FGF3: variants seen among roughly 807,000 people sequenced by gnomAD.
FGF3 encodes the protein fibroblast growth factor 3, also known as FGF-3.
FGF3 carries 7 observed loss-of-function variants against 9.8 expected under a neutral mutation model. The ratio of observed to expected loss-of-function variants is 0.72; its 90% CI spans 0.41 to 1.35. The LOEUF is 1.35. FGF3 is among the 40% of genes most tolerant of loss of function. FGF3 has a pLI of 0.01. For synonymous variants in FGF3, 173 were observed against 157.2 expected, an observed-to-expected ratio of 1.10 and a Z score of -0.75; for missense variants, 390 against 345.6, an observed-to-expected ratio of 1.13 and a Z score of -1.02.
chr11:69,811,077 G>T (rs1484914280), intron 2 of FGF3, among the ~76,000 whole-genome samples: 1 of 152,270 alleles, frequency 6.6e-6, no homozygotes, highest in Non-Finnish European at 1.5e-5. Flanking sequence ...TGCCCTGGCA[G>T]TCTGCTGGCA....
chr11:69,816,427 G>C lies in FGF3; in HGVS notation c.221-4C>G, dbSNP rs1856134357. ...ACTGCCGTTATCTCCAAAATACCTA[G>C]AAGAAATGAGAGGTGCCTCACTCCC... On this transcript the variant is annotated splice_polypyrimidine_tract_variant and splice_region_variant and intron_variant, in intron 1 of 2. Transcript: ENST00000334134. 4 of 1,608,072 alleles carry C rather than the reference G, an allele frequency of 2.5e-6. No individual in the cohort carries two copies. Among genetic ancestry groups the C allele is most frequent in the Non-Finnish European group, 3.4e-6 (4 of 1,174,658 alleles).
At chr11:69,814,303 T>C (rs570516446) in intron 2 of FGF3, among the ~76,000 whole-genome samples, 42 of 151,750 alleles carry the variant, frequency 2.8e-4, no homozygotes, top group African/African-American at 8.5e-4. Flanking sequence ...AGGGGCGTGG[T>C]CTGAGGACTA....
rs144023034 is a variant in FGF3 at position 69,810,800 on chromosome 11, C to G, written c.325-100G>C. 1,518 of 1,099,444 alleles carry G rather than the reference C, an allele frequency of 1.4e-3. 23 individuals are homozygous for G. In the Admixed American group the frequency reaches 0.031, roughly 23 times the overall value. 68.1% of individuals were successfully genotyped at this position (1,099,444 alleles called of 1,614,324 possible). On this transcript the variant is annotated intron_variant, in intron 2 of 2. Transcript: ENST00000334134. ...CTCCCTCCCCTCCTGTGAGGCTGTT[C>G]GGTCCAGTGCCAAACCCCAGCGCAC...
Position 69,818,772 on chromosome 11 carries a change from G to A in FGF3, c.162C>T (p.Tyr54=), listed in dbSNP as rs1856186855. 1 of 1,497,634 alleles carries A rather than the reference G, an allele frequency of 6.7e-7. No individual in the cohort carries two copies. Among genetic ancestry groups the A allele is most frequent in the East Asian group, 2.8e-5 (1 of 36,188 alleles). 92.8% of individuals were successfully genotyped at this position (1,497,634 alleles called of 1,614,324 possible). The change falls in exon 1 of 3, where the codon TAC becomes TAT. Residue 54 remains tyrosine, a synonymous_variant. Transcript: ENST00000334134. The stretch of plus-strand genomic sequence containing the variant: ...GGCCGCTCGGGTGCAGCTGGAGGTG[G>A]TACTTCGTGGCGCAGTAGAGCTTGC... The part of the protein sequence containing the change: ...RRRKLYCATK[Y]HLQLHPSGRV...
chr11:69,810,728 G>GC (rs1554980392), intron 2 of FGF3, 28 bp from the exon 3 acceptor site: 1 of 1,529,462 alleles, frequency 6.5e-7, no homozygotes. Context: ...CATGGTCAGT[G>GC]CCCCGGGGAG....
Position 69,818,805 on chromosome 11 carries a change from G to A in FGF3, c.129C>T (p.Pro43=), listed in dbSNP as rs1554981401. The change falls in exon 1 of 3, where the codon CCC becomes CCT. Residue 43 remains proline, a synonymous_variant. Transcript: ENST00000334134. ...TGGCGCAGTAGAGCTTGCGGCGCCG[G>A]GGCGCCCCGCCAAGGTGCTCGTAGA... ...GGVYEHLGGA[P]RRRKLYCATK... 1.3e-6 allele frequency: 2 copies of A among 1,491,588 alleles called. No homozygotes were observed. Among genetic ancestry groups the A allele is most frequent in the Admixed American group, 2.2e-5 (1 of 45,350 alleles). 92.4% of individuals were successfully genotyped at this position (1,491,588 alleles called of 1,614,324 possible). A position where few individuals can be genotyped will look rare whatever the true frequency, so the allele number is the denominator to read the frequency against.
rs1251866726 is a variant in FGF3, at chr11:69,819,338, C to T, written c.-405G>A. Among the ~76,000 whole-genome samples the T allele has an allele frequency of 2.0e-5, 3 of 151,534 alleles. No homozygotes were observed. Among genetic ancestry groups the T allele is most frequent in the African/African-American group, 7.3e-5 (3 of 41,310 alleles). On this transcript the variant is annotated 5_prime_UTR_variant, in exon 1 of 3. It adds an upstream start codon to the 5' untranslated region. Transcript: ENST00000334134. The stretch of plus-strand genomic sequence containing the variant: ...TCGGGCCGGGCGCCGTCTGCATACA[C>T]TCGCCGCCAGCGCACCGCCGTCGAG...
In FGF3 at chr11:69,810,476, C is replaced by T; in HGVS notation, c.549G>A (p.Leu183=). Residue 183 remains leucine (L), a synonymous_variant, in exon 3 of 3, where the codon CTG becomes CTA. Coordinates refer to ENST00000334134, the MANE Select transcript of FGF3 (RefSeq NM_005247.4). ...GCACCATCTCGTGGTCCCTGTGGTC[C>T]AGCACGCGGGGCAGGAACAGGGAGG... is the stretch of plus-strand genomic sequence containing the variant. The part of the protein sequence containing the change: ...QKSSLFLPRV[L]DHRDHEMVRQ... The T allele has an allele frequency of 6.2e-7, 1 of 1,606,366 alleles. No homozygotes were observed. Among genetic ancestry groups the T allele is most frequent in the East Asian group, 2.2e-5 (1 of 44,612 alleles).
chr11:69,814,708 C>T (rs1310027094), intron 2 of FGF3, among the ~76,000 whole-genome samples: 1 of 152,156 alleles, frequency 6.6e-6, no homozygotes, highest in South Asian at 2.1e-4. Context: ...GTCTGCAGGG[C>T]AATGGGAACT....
intron 2 of FGF3, among the ~76,000 whole-genome samples, chr11:69,814,220 A>T (rs1554980837): frequency 6.6e-6 from 1 of 152,008 alleles, no homozygotes; most frequent in Admixed American, 6.6e-5. Flanking sequence ...GTGGGAAGTG[A>T]TGAGCCTGCC....
Position 69,815,990 on chromosome 11 carries a change from G to A in FGF3, c.324+330C>T, listed in dbSNP as rs568134623. ...TGTCTTGGGTCCATTTATTTTGGTG[G>A]AAATTTGGAGAACAATCACTTCCCT... On this transcript the variant is annotated intron_variant, in intron 2 of 2. Transcript: ENST00000334134. Among the ~76,000 whole-genome samples, 294 of 152,288 alleles carry A rather than the reference G, an allele frequency of 1.9e-3. 1 individual carries two copies. The highest frequency in any genetic ancestry group is 6.7e-3 in the African/African-American group (280 of 41,570).
At chr11:69,818,663 G>T in intron 1 of FGF3, 51 bp downstream of exon 1, 3 of 1,372,758 alleles carry the variant, frequency 2.2e-6, no homozygotes, top group South Asian at 1.5e-5. Flanking sequence ...TCCCGGGCCC[G>T]ACCCCTCCCG....
chr11:69,814,640 TCAGGTGG>T (rs1590963680), intron 2 of FGF3, among the ~76,000 whole-genome samples: 1 of 152,062 alleles, frequency 6.6e-6, no homozygotes, highest in African/African-American at 2.4e-5. Context: ...GACTGTGGTA[TCAGGTGG>T]CAGGTGGCAG....
chr11:69,814,754 C>T (rs1158182781), intron 2 of FGF3, among the ~76,000 whole-genome samples: 1 of 152,152 alleles, frequency 6.6e-6, no homozygotes, highest in Non-Finnish European at 1.5e-5. Flanking sequence ...CCACACCCTC[C>T]AGCCAGACTG....
intron 2 of FGF3, among the ~76,000 whole-genome samples, chr11:69,813,839 GCT>G (rs1554980769): frequency 5.3e-5 from 8 of 149,592 alleles, no homozygotes; most frequent in Non-Finnish European, 1.0e-4. Flanking sequence ...TGGGTGGATG[GCT>G]GGTTGGATGG....
Position 69,816,416 on chromosome 11 carries a change from C to T in FGF3, c.228G>A (p.Leu76=). ...GSLENSAYSI[L]EITAVEVGIV... ...TGCCCACCTCCACTGCCGTTATCTC[C>T]AAAATACCTAGAAGAAATGAGAGGT... The change falls in exon 2 of 3, where the codon TTG becomes TTA. Residue 76 remains leucine, a synonymous_variant. Coordinates refer to ENST00000334134, the MANE Select transcript of FGF3 (RefSeq NM_005247.4). The T allele has an allele frequency of 6.2e-7, 1 of 1,613,084 alleles. No individual in the cohort carries two copies. Among genetic ancestry groups the T allele is most frequent in the Non-Finnish European group, 8.5e-7 (1 of 1,179,148 alleles).
chr11:69,811,623 C>T (rs1364680573), intron 2 of FGF3, among the ~76,000 whole-genome samples: 1 of 152,144 alleles, frequency 6.6e-6, no homozygotes, highest in African/African-American at 2.4e-5. Flanking sequence ...CTGAGCAACA[C>T]TCTCTTAAGC....
At chr11:69,816,066 A>C (rs1206568748) in intron 2 of FGF3, among the ~76,000 whole-genome samples, 4 of 152,164 alleles carry the variant, frequency 2.6e-5, no homozygotes, top group African/African-American at 9.7e-5. Flanking sequence ...GGATGGGGGA[A>C]ACCTTTGCTA....
At chr11:69,816,512 G>A in intron 1 of FGF3, 89 bp from the exon 2 acceptor site, 1 of 979,928 alleles carries the variant, frequency 1.0e-6, no homozygotes, top group Non-Finnish European at 1.6e-6. Flanking sequence ...CCACACCCCG[G>A]GCTCAGGGCT....
Sources: allele counts gnomAD v4.1 joint callset (sites outside exome capture counted in the v4.1 genomes callset), GRCh38; gene constraint gnomAD v4.1.1; transcripts MANE v1.5; gene names NCBI Gene and HGNC (gene_info 2026-07-23, HGNC 2026-07-21).